The following PAK1 variants were observed in gnomAD, a reference collection of about 807,000 sequenced individuals.
The protein encoded by PAK1 is p21 (RAC1) activated kinase 1, also known as serine/threonine-protein kinase PAK 1.
A neutral mutation model predicts 67.4 loss-of-function variants in PAK1; 29 were observed. The ratio of observed to expected loss-of-function variants is 0.43; its 90% CI spans 0.32 to 0.59. The LOEUF is 0.59. PAK1 is among the 20% of genes least tolerant of loss of function. The pLI is 0.07. For synonymous variants in PAK1, 223 were observed against 237.4 expected (o/e 0.94, Z 0.56); for missense variants, 337 against 670.7 (o/e 0.50, Z 5.50).
At chr11:77,403,277 G>T (rs1391987653) in intron 1 of PAK1, among the ~76,000 whole-genome samples, 1 of 152,126 alleles carries the variant, frequency 6.6e-6, no homozygotes, top group Non-Finnish European at 1.5e-5. Flanking sequence ...AAAGGCTTTA[G>T]TTCCAGGTTC....
intron 14 of PAK1, among the ~76,000 whole-genome samples, chr11:77,332,444 G>A (rs1203988943): frequency 6.7e-6 from 1 of 148,310 alleles, no homozygotes; most frequent in African/African-American, 2.5e-5. Flanking sequence ...GGAAAGGAAG[G>A]AAGGAAGCAA....
At chr11:77,404,425 A>C (rs1953165218) in intron 1 of PAK1, among the ~76,000 whole-genome samples, 1 of 151,806 alleles carries the variant, frequency 6.6e-6, no homozygotes, top group Non-Finnish European at 1.5e-5. Flanking sequence ...AGGCCACCAC[A>C]CCAGGCTAAT....
chr11:77,473,915 G>T lies in PAK1; in HGVS notation c.-385C>A, dbSNP rs1957997325. The T allele has an allele frequency of 6.6e-6, 1 of 152,202 alleles. No homozygotes were observed. The highest frequency in any genetic ancestry group is 2.4e-5 in the African/African-American group (1 of 41,302). 9.4% of individuals were successfully genotyped at this position (152,202 alleles called of 1,614,324 possible). A position where few individuals can be genotyped will look rare whatever the true frequency, so the allele number is the denominator to read the frequency against. ...CGTGGAAAAGGGAATGAGAGTCCAA[G>T]GGGGAAGGCGTCTGTGGGGGAGGAC... On this transcript the variant is annotated 5_prime_UTR_variant, in exon 1 of 15. Coordinates refer to ENST00000356341, the MANE Select transcript of PAK1 (RefSeq NM_002576.5).
chr11:77,327,960 C>A (rs974892036), intron 14 of PAK1, among the ~76,000 whole-genome samples: 8 of 152,046 alleles, frequency 5.3e-5, no homozygotes, highest in South Asian at 2.1e-4. Context: ...CAAATGGAAA[C>A]CAAAAGAAGG....
the PAK1 span, among the ~76,000 whole-genome samples, chr11:77,493,272 G>GTTTTT: frequency 1.1e-5 from 1 of 92,632 alleles, no homozygotes; most frequent in African/African-American, 5.3e-5. Context: ...TCATTTTTTT[G>GTTTTT]TTGTTTTTTT....
chr11:77,504,740 A>G, the PAK1 span, among the ~76,000 whole-genome samples: 320 of 152,344 alleles, frequency 2.1e-3, no homozygotes, highest in African/African-American at 7.5e-3. Flanking sequence ...TTGCTGAGGT[A>G]GGGACTTGAA....
At chr11:77,371,029 C>T (rs1161919365) in intron 5 of PAK1, among the ~76,000 whole-genome samples, 1 of 152,172 alleles carries the variant, frequency 6.6e-6, no homozygotes, top group Non-Finnish European at 1.5e-5. Context: ...ATTATAAATC[C>T]TTGTTTACAT....
At chr11:77,344,655 C>T (rs686068) in intron 9 of PAK1, among the ~76,000 whole-genome samples, 32,627 of 152,046 alleles carry the variant, frequency 0.21, 4,646 homozygotes, top group Non-Finnish European at 0.31. Context: ...ATTCAACAGA[C>T]GGGGAAACTG....
At chr11:77,490,367 C>T in the PAK1 span, among the ~76,000 whole-genome samples, 6 of 132,744 alleles carry the variant, frequency 4.5e-5, no homozygotes, top group South Asian at 2.5e-4. Flanking sequence ...CCGCCCCGTC[C>T]GGGAGGTGAG....
the PAK1 span, among the ~76,000 whole-genome samples, chr11:77,517,650 A>G: frequency 6.6e-6 from 1 of 152,170 alleles, no homozygotes; most frequent in Non-Finnish European, 1.5e-5. Flanking sequence ...AATATAATGT[A>G]CAAGTGCATT....
At chr11:77,377,566 A>G (rs1301662787) in intron 4 of PAK1, among the ~76,000 whole-genome samples, 2 of 152,232 alleles carry the variant, frequency 1.3e-5, no homozygotes, top group African/African-American at 2.4e-5. Flanking sequence ...CTGAATGTTT[A>G]TATTTATACA....
chr11:77,428,652 C>T (rs372279503), intron 1 of PAK1, among the ~76,000 whole-genome samples: 1 of 151,202 alleles, frequency 6.6e-6, no homozygotes, highest in Admixed American at 6.6e-5. Context: ...GTGAGTCCAT[C>T]AGGAGGGGGA....
At chr11:77,394,557 C>G (rs1022596472) in intron 1 of PAK1, among the ~76,000 whole-genome samples, 1 of 151,948 alleles carries the variant, frequency 6.6e-6, no homozygotes, top group Non-Finnish European at 1.5e-5. Flanking sequence ...CTTTTAAAAC[C>G]CTTCACTGGC....
chr11:77,490,429 G>C, the PAK1 span, among the ~76,000 whole-genome samples: 1 of 149,462 alleles, frequency 6.7e-6, no homozygotes, highest in Admixed American at 6.6e-5. Flanking sequence ...CCCTCTGCCC[G>C]GCCAGCCGCC....
At chr11:77,328,702 C>G (rs1473537038) in intron 14 of PAK1, among the ~76,000 whole-genome samples, 1 of 151,870 alleles carries the variant, frequency 6.6e-6, no homozygotes, top group Admixed American at 6.6e-5. Flanking sequence ...AAATTGACAC[C>G]CTTACATCAC....
At chr11:77,480,431 T>G in the PAK1 span, among the ~76,000 whole-genome samples, 5 of 152,304 alleles carry the variant, frequency 3.3e-5, no homozygotes, top group Non-Finnish European at 5.9e-5. Flanking sequence ...ACAGAATATT[T>G]ATTAAAGGTG....
chr11:77,516,562 G>A, the PAK1 span, among the ~76,000 whole-genome samples: 1 of 152,168 alleles, frequency 6.6e-6, no homozygotes, highest in Non-Finnish European at 1.5e-5. Context: ...CTCTTTAACT[G>A]TGAACTGTGA....
intron 1 of PAK1, among the ~76,000 whole-genome samples, chr11:77,416,764 T>C (rs761655303): frequency 2.1e-4 from 32 of 152,192 alleles, no homozygotes; most frequent in Admixed American, 1.3e-3. Flanking sequence ...CCATCCTGGC[T>C]AACACAGTGA....
intron 1 of PAK1, among the ~76,000 whole-genome samples, chr11:77,440,314 A>AATT (rs1402295218): frequency 6.6e-6 from 1 of 152,158 alleles, no homozygotes; most frequent in African/African-American, 2.4e-5. Flanking sequence ...GCAGGAGAAT[A>AATT]GTGTGAGGCC....
Sources: gnomAD v4.1 joint callset for allele counts (sites outside exome capture counted in the v4.1 genomes callset) on GRCh38, gnomAD v4.1.1 for gene constraint, MANE v1.5 for transcripts, NCBI Gene and HGNC (gene_info 2026-07-23, HGNC 2026-07-21) for gene names.